The following TRIO variants were observed in gnomAD, a reference collection of about 807,000 sequenced individuals.
TRIO encodes trio Rho guanine nucleotide exchange factor, also known as triple functional domain protein.
In TRIO, 58 loss-of-function variants were observed where a neutral mutation model predicts 351.9. The ratio of observed to expected loss-of-function variants is 0.16; its 90% CI spans 0.13 to 0.21. The LOEUF is 0.21. Ranked by LOEUF, TRIO falls within the 10% of genes least tolerant of loss-of-function variation. The pLI is 1.00. For synonymous variants in TRIO, 1,758 were observed against 1,595.7 expected (o/e 1.10, Z -2.42); for missense variants, 3,201 against 4,027.8 (o/e 0.79, Z 5.56).
intron 1 of TRIO, among the ~76,000 whole-genome samples, chr5:14,209,203 A>G (rs1050536389): frequency 1.3e-5 from 2 of 152,240 alleles, no homozygotes; most frequent in African/African-American, 2.4e-5. Flanking sequence ...ATAGAGCCCT[A>G]TCTGCTAAAA....
At chr5:14,232,724 A>G (rs1793522861) in intron 1 of TRIO, among the ~76,000 whole-genome samples, 1 of 152,250 alleles carries the variant, frequency 6.6e-6, no homozygotes, top group African/African-American at 2.4e-5. Context: ...AAAATTGCCC[A>G]TTAAGTTAGA....
chr5:14,204,988 C>T (rs1791368289), intron 1 of TRIO, among the ~76,000 whole-genome samples: 2 of 152,170 alleles, frequency 1.3e-5, no homozygotes, highest in Admixed American at 6.5e-5. Flanking sequence ...GGTGTCACCC[C>T]TTCTTCAGGG....
At chr5:14,362,893 G>T (rs1382506120) in intron 13 of TRIO, among the ~76,000 whole-genome samples, 5 of 151,766 alleles carry the variant, frequency 3.3e-5, no homozygotes, top group Admixed American at 6.6e-5. Flanking sequence ...TATTCTTTCT[G>T]CATTTAATAG....
intron 9 of TRIO, among the ~76,000 whole-genome samples, chr5:14,321,717 T>C (rs956280663): frequency 2.6e-5 from 4 of 152,196 alleles, no homozygotes; most frequent in Non-Finnish European, 5.9e-5. Context: ...CCCACCCAAA[T>C]CTCATCTTGA....
chr5:14,376,297 T>G (rs1025982617), intron 19 of TRIO, among the ~76,000 whole-genome samples: 2 of 152,226 alleles, frequency 1.3e-5, no homozygotes, highest in Admixed American at 1.3e-4. Context: ...TTCTTAAGTT[T>G]TTTGTTTGTT....
At chr5:14,153,001 G>C (rs887720775) in intron 1 of TRIO, among the ~76,000 whole-genome samples, 4 of 152,170 alleles carry the variant, frequency 2.6e-5, no homozygotes, top group African/African-American at 9.7e-5. Flanking sequence ...ATACCTCATG[G>C]GTATTGTTTA....
At chr5:14,198,525 C>G (rs1051365617) in intron 1 of TRIO, among the ~76,000 whole-genome samples, 6 of 152,172 alleles carry the variant, frequency 3.9e-5, no homozygotes, top group Non-Finnish European at 8.8e-5. Context: ...CTGGAACCAA[C>G]AAGAAAACCT....
At chr5:14,409,563 G>A (rs1027631236) in intron 33 of TRIO, among the ~76,000 whole-genome samples, 7 of 151,646 alleles carry the variant, frequency 4.6e-5, no homozygotes, top group Non-Finnish European at 5.9e-5. Flanking sequence ...CTGAGCACGC[G>A]GTGGCTCACG....
At chr5:14,460,881 C>A in intron 34 of TRIO, 138 bp from the exon 35 acceptor site, 1 of 995,332 alleles carries the variant, frequency 1.0e-6, no homozygotes, top group Non-Finnish European at 1.4e-6. Flanking sequence ...CCCCTGTCAT[C>A]TCACACCCCG....
intron 2 of TRIO, among the ~76,000 whole-genome samples, chr5:14,279,239 G>T (rs546108511): frequency 6.6e-6 from 1 of 152,296 alleles, no homozygotes; most frequent in South Asian, 2.1e-4. Context: ...TTATTATTTA[G>T]AATGAGTACA....
rs759482240 is a variant in TRIO, at chr5:14,508,253, C to T, written c.9125C>T (p.Ala3042Val). 1.2e-5 allele frequency: 20 copies of T among 1,613,940 alleles called. No individual in the cohort carries two copies. The highest frequency in any genetic ancestry group is 6.6e-5 in the South Asian group (6 of 91,090). The change falls in exon 57 of 57, where the codon GCG becomes GTG. Residue 3042 changes from alanine to valine, a missense_variant. Physicochemically the swap from Ala to Val is moderately conservative, Grantham distance 64 (BLOSUM62 0). This residue lies in a region of TRIO where 233 missense variants were observed against 292.6 expected (regional missense o/e 0.80). Transcript: ENST00000344204. ...GACCCCGCCAAGCGTCCCTCGGCTGCGCTGGCCCTCCAGGAGCAGTGGCTG... is the reference window on the plus strand; with the variant it reads ...GACCCCGCCAAGCGTCCCTCGGCTGTGCTGGCCCTCCAGGAGCAGTGGCTG... The part of the protein sequence containing the change: ...QEDPAKRPSA[A>V]LALQEQWLQA...
intron 37 of TRIO, among the ~76,000 whole-genome samples, chr5:14,470,739 T>C (rs1054163570): frequency 3.3e-5 from 5 of 152,366 alleles, no homozygotes; most frequent in Non-Finnish European, 7.3e-5. Flanking sequence ...TATAGAGGGA[T>C]AGAATGGAAG....
intron 33 of TRIO, among the ~76,000 whole-genome samples, chr5:14,410,543 C>T (rs561590919): frequency 4.6e-5 from 7 of 152,326 alleles, no homozygotes; most frequent in East Asian, 1.9e-4. Context: ...CCTCTGATAA[C>T]GCAGGCAGAT....
chr5:14,459,116 C>T (rs989549837), intron 34 of TRIO, among the ~76,000 whole-genome samples: 3 of 152,176 alleles, frequency 2.0e-5, no homozygotes, highest in Admixed American at 6.5e-5. Context: ...CTGCCTAAAA[C>T]GCATCATCTG....
chr5:14,150,971 C>T (rs929928325), intron 1 of TRIO, among the ~76,000 whole-genome samples: 4 of 152,166 alleles, frequency 2.6e-5, no homozygotes, highest in African/African-American at 7.2e-5. Context: ...TAGCTATAGA[C>T]AGTTACCATT....
intron 1 of TRIO, among the ~76,000 whole-genome samples, chr5:14,258,975 C>CT (rs1336586985): frequency 6.6e-6 from 1 of 152,200 alleles, no homozygotes; most frequent in African/African-American, 2.4e-5. Context: ...CTTCGAGTTC[C>CT]TAAGTACCAA....
At chr5:14,185,951 G>A (rs144683268) in intron 1 of TRIO, among the ~76,000 whole-genome samples, 82 of 152,292 alleles carry the variant, frequency 5.4e-4, no homozygotes, top group African/African-American at 1.9e-3. Flanking sequence ...GCAAAAGGCC[G>A]ATTCCTAGTT....
Position 14,502,624 on chromosome 5 carries a change from A to T in TRIO, c.8378A>T (p.Asp2793Val). The T allele has an allele frequency of 6.2e-7, 1 of 1,613,990 alleles. No homozygotes were observed. Among genetic ancestry groups the T allele is most frequent in the Non-Finnish European group, 8.5e-7 (1 of 1,180,010 alleles). Residue 2793 changes from aspartate to valine, a missense_variant, in exon 54 of 57, where the codon GAC becomes GTC. Asp to Val is a radical substitution (Grantham distance 152, BLOSUM62 -3). Transcript: ENST00000344204. The stretch of plus-strand genomic sequence containing the variant: ...ATGGTGACCTGGAAAGACAACTTTG[A>T]CTCCTTCTACAGTGAAGTGGCTGAG... ...GIMVTWKDNF[D>V]SFYSEVAELG...
chr5:14,227,705 T>C (rs768396379), intron 1 of TRIO, among the ~76,000 whole-genome samples: 3 of 152,168 alleles, frequency 2.0e-5, no homozygotes, highest in Non-Finnish European at 2.9e-5. Flanking sequence ...TTGTATTAGA[T>C]ATGATGCAAT....
Sources: gnomAD v4.1 joint callset for allele counts (sites outside exome capture counted in the v4.1 genomes callset) on GRCh38, gnomAD v4.1.1 for gene constraint, gnomAD v4.1.1 regional missense constraint, MANE v1.5 for transcripts, NCBI Gene and HGNC (gene_info 2026-07-23, HGNC 2026-07-21) for gene names.